The following CFDP1 variants were observed in gnomAD, a reference collection of about 807,000 sequenced individuals.
CFDP1 encodes the protein chromatin remodeling protein CFDP1.
A neutral mutation model predicts 40.1 loss-of-function variants in CFDP1; 31 were observed. The observed-to-expected ratio is 0.77, with a 90% CI of 0.58 to 1.04. The LOEUF (loss-of-function observed/expected upper bound fraction) is 1.04, where lower values mean the gene tolerates loss of function less well. Ranked by LOEUF, CFDP1 falls within the 50% of genes least tolerant of loss-of-function variation. CFDP1 has a pLI of 0.00. For synonymous variants in CFDP1, 167 were observed against 120.0 expected (o/e 1.39, Z -2.56); for missense variants, 423 against 343.4 (o/e 1.23, Z -1.83).
intron 5 of CFDP1, among the ~76,000 whole-genome samples, chr16:75,329,377 A>C (rs2078428267): frequency 6.6e-6 from 1 of 152,364 alleles, no homozygotes; most frequent in East Asian, 1.9e-4. Flanking sequence ...CCCAGGACTG[A>C]GTCAGGCAAT....
intron 4 of CFDP1, among the ~76,000 whole-genome samples, chr16:75,401,297 G>A (rs942862668): frequency 2.6e-5 from 4 of 151,906 alleles, no homozygotes; most frequent in Non-Finnish European, 4.4e-5. Flanking sequence ...GCTTGGTGGC[G>A]AGCGCCTGTA....
chr16:75,426,214 G>A (rs949736382), intron 1 of CFDP1, among the ~76,000 whole-genome samples: 1 of 151,758 alleles, frequency 6.6e-6, no homozygotes, highest in African/African-American at 2.4e-5. Flanking sequence ...GCCAGGCGTG[G>A]TGGCACATGC....
At chr16:75,431,223 G>A (rs1440215714) in intron 1 of CFDP1, among the ~76,000 whole-genome samples, 5 of 151,570 alleles carry the variant, frequency 3.3e-5, no homozygotes, top group Admixed American at 1.3e-4. Flanking sequence ...AGGCCGAGGC[G>A]GGCAGACCAT....
chr16:75,414,624 G>A lies in CFDP1; in HGVS notation c.136C>T (p.Gln46Ter), dbSNP rs768731616. 2 of 1,613,338 alleles carry A rather than the reference G, an allele frequency of 1.2e-6. No homozygotes were observed. Residue 46 changes from glutamine to a stop codon, truncating the protein, a stop_gained, in exon 2 of 7, where the codon CAG (glutamine) becomes TAG (stop). Transcript: ENST00000283882. LOFTEE classifies it high-confidence loss of function. ...TTTCTTTTTTTCCCTTGGGTTTTCTGTGTCTGCTCTTCACCATCCACTTCA... is the reference window on the plus strand; with the variant it reads ...TTTCTTTTTTTCCCTTGGGTTTTCTATGTCTGCTCTTCACCATCCACTTCA... ...EDEVDGEEQT[Q>*]KTQGKKRKAQ...
intron 1 of CFDP1, among the ~76,000 whole-genome samples, chr16:75,417,854 A>AT (rs1459874849): frequency 6.6e-6 from 1 of 152,194 alleles, no homozygotes; most frequent in Non-Finnish European, 1.5e-5. Context: ...AGTAACATCA[A>AT]TGCTGGTATT....
chr16:75,412,632 G>A lies in CFDP1; in HGVS notation c.305C>T (p.Ser102Leu). Residue 102 changes from serine (S) to leucine (L), a missense_variant, in exon 3 of 7, where the codon TCA (serine) becomes TTA (leucine). Coordinates refer to ENST00000283882, the MANE Select transcript of CFDP1 (RefSeq NM_006324.3). The part of the protein sequence containing the change: ...DAAEQEKGIG[S>L]EDARKKKEDE... ...CTCCTTCTTTTTCCTGGCATCCTCT[G>A]ATCCAATGCCTTTTTCCTGCTCTGC... 1 of 1,614,110 alleles carries A rather than the reference G, an allele frequency of 6.2e-7. No individual in the cohort carries two copies. Among genetic ancestry groups the A allele is most frequent in the Middle Eastern group, 1.6e-4 (1 of 6,062 alleles).
At chr16:75,327,890 A>T (rs113972643) in intron 5 of CFDP1, among the ~76,000 whole-genome samples, 472 of 151,838 alleles carry the variant, frequency 3.1e-3, no homozygotes, top group African/African-American at 0.011. Context: ...CACCTGGCTA[A>T]TTTTTTTGCG....
rs551433532 is a variant in CFDP1, at chr16:75,428,608, C to G, written c.64+4681G>C. 7.6e-4 allele frequency among the ~76,000 whole-genome samples: 112 copies of G among 147,696 alleles called. 1 individual carries two copies. Among genetic ancestry groups the G allele is most frequent in the Non-Finnish European group, 1.3e-3 (87 of 67,380 alleles). On this transcript the variant is annotated intron_variant, in intron 1 of 6. Coordinates refer to ENST00000283882, the MANE Select transcript of CFDP1 (RefSeq NM_006324.3). Reference sequence around the variant, plus strand: ...CTCCAGCCTGGGTGACAGAGCTATACTCCATCTCAAAAATAAATAAATAGA... The same window carrying G: ...CTCCAGCCTGGGTGACAGAGCTATAGTCCATCTCAAAAATAAATAAATAGA...
intron 2 of CFDP1, 119 bp downstream of exon 2, chr16:75,414,459 T>A: frequency 1.5e-6 from 1 of 668,284 alleles, no homozygotes; most frequent in Non-Finnish European, 2.7e-6. Flanking sequence ...AATGTTTCCC[T>A]CAAAGAGAAA....
At chr16:75,346,371 C>T (rs888996927) in intron 5 of CFDP1, among the ~76,000 whole-genome samples, 9 of 151,996 alleles carry the variant, frequency 5.9e-5, no homozygotes, top group African/African-American at 2.2e-4. Flanking sequence ...ATCACGAGGT[C>T]AGGAGATCGA....
At chr16:75,407,175 C>A (rs921706741) in intron 4 of CFDP1, among the ~76,000 whole-genome samples, 1 of 152,096 alleles carries the variant, frequency 6.6e-6, no homozygotes, top group Non-Finnish European at 1.5e-5. Context: ...CAACCACACT[C>A]CAACCCGAGT....
At chr16:75,411,718 C>T (rs1288833583) in intron 4 of CFDP1, 107 bp downstream of exon 4, 1 of 1,185,510 alleles carries the variant, frequency 8.4e-7, no homozygotes, top group Non-Finnish European at 1.2e-6. Context: ...TATAACTCTC[C>T]CAAAATATTA....
intron 1 of CFDP1, among the ~76,000 whole-genome samples, chr16:75,420,901 A>G (rs969995940): frequency 1.3e-5 from 2 of 152,168 alleles, no homozygotes; most frequent in Non-Finnish European, 2.9e-5. Flanking sequence ...ATTTTCTATA[A>G]AGCTCTGCAC....
intron 4 of CFDP1, among the ~76,000 whole-genome samples, chr16:75,410,857 CG>C (rs1460934204): frequency 2.2e-5 from 3 of 138,938 alleles, no homozygotes; most frequent in Non-Finnish European, 4.6e-5. Context: ...TGCAGTGAGC[CG>C]AGACTGTGCC....
intron 5 of CFDP1, among the ~76,000 whole-genome samples, chr16:75,331,510 C>T (rs917728139): frequency 2.6e-5 from 4 of 152,176 alleles, no homozygotes; most frequent in African/African-American, 7.2e-5. Flanking sequence ...AAATATAGAA[C>T]ATTTCCACCA....
chr16:75,424,332 G>A (rs866975584), intron 1 of CFDP1, among the ~76,000 whole-genome samples: 1 of 152,214 alleles, frequency 6.6e-6, no homozygotes, highest in Admixed American at 6.5e-5. Context: ...AGGTGACTGA[G>A]TTGGTAATAA....
At chr16:75,380,189 T>A (rs2078841318) in intron 5 of CFDP1, 3 of 150,880 alleles carry the variant, frequency 2.0e-5, no homozygotes, top group African/African-American at 7.3e-5. Context: ...TTAAAGCCGA[T>A]GAACTTCCAT....
intron 5 of CFDP1, among the ~76,000 whole-genome samples, chr16:75,376,566 T>G (rs575230569): frequency 6.6e-6 from 1 of 152,282 alleles, no homozygotes; most frequent in East Asian, 1.9e-4. Context: ...AAATCAGTAG[T>G]TGCCTGGGGC....
chr16:75,384,510 C>T (rs548365030), intron 5 of CFDP1, among the ~76,000 whole-genome samples: 1 of 152,256 alleles, frequency 6.6e-6, no homozygotes, highest in African/African-American at 2.4e-5. Context: ...ATAATACTGG[C>T]ATGACTTCAA....
Sources: gnomAD v4.1 joint callset for allele counts (sites outside exome capture counted in the v4.1 genomes callset) on GRCh38, gnomAD v4.1.1 for gene constraint, MANE v1.5 for transcripts, NCBI Gene and HGNC (gene_info 2026-07-23, HGNC 2026-07-21) for gene names.